Variants in ARRDC1 observed in about 807,000 individuals in gnomAD.
ARRDC1 encodes the protein arrestin domain-containing protein 1.
Under a neutral mutation model 40.1 loss-of-function variants are expected in ARRDC1, and 37 were observed. The ratio of observed to expected loss-of-function variants is 0.92; its 90% CI spans 0.71 to 1.21. The LOEUF (loss-of-function observed/expected upper bound fraction) is 1.21. Among genes scored for constraint, ARRDC1 ranks in the 50% most tolerant of loss-of-function variants. ARRDC1 has a pLI of 0.00. For synonymous variants in ARRDC1, 310 were observed against 262.5 expected (o/e 1.18, Z -1.75); for missense variants, 641 against 581.9 (o/e 1.10, Z -1.04).
intron 1 of ARRDC1, among the ~76,000 whole-genome samples, chr9:137,608,820 T>TG (rs1277685928): frequency 6.6e-6 from 1 of 152,134 alleles, no homozygotes; most frequent in Non-Finnish European, 1.5e-5. Context: ...GAGGAGTGTG[T>TG]GGGGCAGCTC....
In ARRDC1 at chr9:137,615,330, ACTC is replaced by A. The variant is rs1335836950; in HGVS notation, c.*195_*197del. Reference sequence around the variant, plus strand: ...CAGGGAGCTGGGACCTGGAGAGACAACTCCTGTAAATAAAACACTTTATTTGTA... The same window carrying A: ...CAGGGAGCTGGGACCTGGAGAGACAACTGTAAATAAAACACTTTATTTGTA... On this transcript the variant is annotated 3_prime_UTR_variant, in exon 8 of 8. Transcript: ENST00000371421. The A allele has an allele frequency of 2.3e-5, 13 of 567,300 alleles. No individual in the cohort carries two copies. The highest frequency in any genetic ancestry group is 3.8e-5 in the Non-Finnish European group (13 of 338,968). 35.1% of individuals were successfully genotyped at this position (567,300 alleles called of 1,614,324 possible).
rs369219064 is a variant in ARRDC1, at chr9:137,614,640, C to A, written c.877C>A (p.Pro293Thr). 6.2e-7 allele frequency: 1 copy of A among 1,612,980 alleles called. No individual in the cohort carries two copies. The highest frequency in any genetic ancestry group is 8.5e-7 in the Non-Finnish European group (1 of 1,179,898). The change falls in exon 7 of 8, where the codon CCC becomes ACC. Residue 293 changes from proline (P) to threonine (T), a missense_variant. Coordinates refer to ENST00000371421, the MANE Select transcript of ARRDC1 (RefSeq NM_152285.4). The stretch of plus-strand genomic sequence containing the variant: ...TGCTGTGAACCATGCCCCAGTGAGC[C>A]CCCGGCCAGGCCTGGGGCTGCCTCC... The part of the protein sequence containing the change: ...NIAVNHAPVS[P>T]RPGLGLPPGA...
chr9:137,614,060 A>T lies in ARRDC1; in HGVS notation c.464A>T (p.Lys155Met). The stretch of plus-strand genomic sequence containing the variant: ...CCCAACGTGGCCTCTGCCACCAAGA[A>T]GTTCTCCTACAAGCTGGTGAAGACG... Reference protein sequence around the residue: ...EQPNVASATKKFSYKLVKTGS... With the variant: ...EQPNVASATKMFSYKLVKTGS... The change falls in exon 5 of 8, where the codon AAG (lysine) becomes ATG (methionine). Residue 155 changes from lysine to methionine, a missense_variant. Transcript: ENST00000371421. 1 of 1,613,694 alleles carries T rather than the reference A, an allele frequency of 6.2e-7. No individual in the cohort carries two copies. The highest frequency in any genetic ancestry group is 2.2e-5 in the East Asian group (1 of 44,852).
At chr9:137,607,613 A>G (rs1842445751) in intron 1 of ARRDC1, among the ~76,000 whole-genome samples, 1 of 152,142 alleles carries the variant, frequency 6.6e-6, no homozygotes, top group African/African-American at 2.4e-5. Flanking sequence ...GCCCGATGCA[A>G]TTCTCTCCAC....
At position 137,608,653 on chromosome 9, in the gene ARRDC1, C is replaced by T. The variant is rs947418143; in HGVS notation, c.118+2818C>T. Among the ~76,000 whole-genome samples, 12 of 152,246 alleles carry T rather than the reference C, an allele frequency of 7.9e-5. 1 individual carries two copies. Among genetic ancestry groups the T allele is most frequent in the African/African-American group, 2.7e-4 (11 of 41,474 alleles). On this transcript the variant is annotated intron_variant, in intron 1 of 7. Transcript: ENST00000371421. ...TGATTTGAAAAGGCAGAAACATGGCCGCTGCCATTGGCCTGGCCAGTGAAA... is the reference window on the plus strand; with the variant it reads ...TGATTTGAAAAGGCAGAAACATGGCTGCTGCCATTGGCCTGGCCAGTGAAA...
At chr9:137,608,522 G>A (rs1393164141) in intron 1 of ARRDC1, among the ~76,000 whole-genome samples, 4 of 152,230 alleles carry the variant, frequency 2.6e-5, no homozygotes, top group Admixed American at 6.5e-5. Context: ...AAGAGGGAGC[G>A]GGGTCGTATG....
chr9:137,610,813 T>G (rs1224379045), intron 1 of ARRDC1, among the ~76,000 whole-genome samples: 1 of 152,228 alleles, frequency 6.6e-6, no homozygotes, highest in Non-Finnish European at 1.5e-5. Flanking sequence ...TCTGCCTGCC[T>G]TGGCCTCCCG....
intron 1 of ARRDC1, among the ~76,000 whole-genome samples, chr9:137,609,055 C>T (rs1842469483): frequency 1.3e-5 from 2 of 152,102 alleles, no homozygotes; most frequent in African/African-American, 2.4e-5. Context: ...GGAGCAGTGG[C>T]GTGTGAGGCT....
chr9:137,614,460 C>A lies in ARRDC1; in HGVS notation c.780C>A (p.Ile260=), dbSNP rs1332428272. The change falls in exon 6 of 8, where the codon ATC becomes ATA. Residue 260 remains isoleucine, a synonymous_variant. Transcript: ENST00000371421. ...TGCCGGGCTGCAGCCTCATCCACAT[C>A]GACTACTACTTACAGGTTTGGTGCT... ...SALPGCSLIH[I]DYYLQVSLKA... The A allele has an allele frequency of 6.2e-7, 1 of 1,613,296 alleles. No individual in the cohort carries two copies. The highest frequency in any genetic ancestry group is 8.5e-7 in the Non-Finnish European group (1 of 1,179,962).
intron 1 of ARRDC1, chr9:137,612,690 C>A: frequency 1.8e-6 from 1 of 544,574 alleles, no homozygotes; most frequent in East Asian, 3.1e-5. Flanking sequence ...CTGGTCAGGC[C>A]CCTCGCCTGC....
rs144256580 is a variant in ARRDC1, at chr9:137,614,293, C to A, written c.619-6C>A. 1.3e-6 allele frequency: 2 copies of A among 1,586,432 alleles called. No homozygotes were observed. Among genetic ancestry groups the A allele is most frequent in the South Asian group, 2.3e-5 (2 of 87,006 alleles). On this transcript the variant is annotated splice_region_variant and splice_polypyrimidine_tract_variant and intron_variant, in intron 5 of 7. Transcript: ENST00000371421. ...TGCGCAGGCTCACAGGCTGGTCCTT[C>A]CCCAGAAAGTGTCCTATAAGGCCAA...
At position 137,615,142 on chromosome 9, in the gene ARRDC1, C is replaced by T. The variant is rs374293181; in HGVS notation, c.*4C>T. 6.8e-5 allele frequency: 104 copies of T among 1,525,734 alleles called. No individual in the cohort carries two copies. In the African/African-American group the frequency reaches 1.0e-3, roughly 15 times the overall value. 94.5% of individuals were successfully genotyped at this position (1,525,734 alleles called of 1,614,324 possible). On this transcript the variant is annotated 3_prime_UTR_variant, in exon 8 of 8. Transcript: ENST00000371421. ...CAGCCTGACCCCTGAGAGCTGACCC[C>T]GTGCTGCCTTCTCCAGGCAGGCCTG...
In ARRDC1 at chr9:137,614,885, G is replaced by T. The variant is rs369744195; in HGVS notation, c.1122G>T (p.Leu374Phe). The change falls in exon 7 of 8, where the codon TTG (leucine) becomes TTT (phenylalanine). Residue 374 changes from leucine to phenylalanine, a missense_variant. Leu to Phe is a conservative substitution (Grantham distance 22). Coordinates refer to ENST00000371421, the MANE Select transcript of ARRDC1 (RefSeq NM_152285.4). ...CCTCACACCCGCTGCACCCTCCCTT[G>T]TGCATTTCAACAGGTGCCACTGTCC... ...SPASHPLHPP[L>F]CISTGATVPY... The T allele has an allele frequency of 6.2e-7, 1 of 1,613,776 alleles. No individual in the cohort carries two copies.
At chr9:137,613,990 C>G in intron 4 of ARRDC1, 42 bp from the exon 5 acceptor site, 2 of 1,607,330 alleles carry the variant, frequency 1.2e-6, no homozygotes, top group Non-Finnish European at 1.7e-6. Flanking sequence ...GGGATCCAGC[C>G]TGCGCACACC....
rs755654987 is a variant in ARRDC1 at position 137,614,182 on chromosome 9, G to T, written c.586G>T (p.Asp196Tyr). The T allele has an allele frequency of 6.8e-6, 11 of 1,608,910 alleles. No individual in the cohort carries two copies. The highest frequency in any genetic ancestry group is 3.3e-4 in the Middle Eastern group (2 of 6,064). Residue 196 changes from aspartate (D) to tyrosine (Y), a missense_variant, in exon 5 of 8, where the codon GAC becomes TAC. Coordinates refer to ENST00000371421, the MANE Select transcript of ARRDC1 (RefSeq NM_152285.4). ...HADVENQSGK[D>Y]TSPVVASLLQ... ...CGACGTTGAGAACCAGTCAGGCAAG[G>T]ACACCAGCCCTGTGGTGGCCAGTCT...
At chr9:137,613,124 T>C (rs1194638489) in intron 2 of ARRDC1, 118 bp downstream of exon 2, 1 of 888,458 alleles carries the variant, frequency 1.1e-6, no homozygotes, top group East Asian at 2.6e-5. Flanking sequence ...CACTGGCCCA[T>C]CTTGTCCCAG....
chr9:137,608,535 G>A lies in ARRDC1; in HGVS notation c.118+2700G>A, dbSNP rs751930517. On this transcript the variant is annotated intron_variant, in intron 1 of 7. Coordinates refer to ENST00000371421, the MANE Select transcript of ARRDC1 (RefSeq NM_152285.4). Reference sequence around the variant, plus strand: ...AGAAGAGGGAGCGGGGTCGTATGCCGCCAGCAGCAGGGAGACCCCTCACAA... The same window carrying A: ...AGAAGAGGGAGCGGGGTCGTATGCCACCAGCAGCAGGGAGACCCCTCACAA... Among the ~76,000 whole-genome samples, 58 of 152,236 alleles carry A rather than the reference G, an allele frequency of 3.8e-4. 1 individual carries two copies. The highest frequency in any genetic ancestry group is 8.8e-5 in the Non-Finnish European group (6 of 68,046).
Position 137,614,353 on chromosome 9 carries a change from G to A in ARRDC1, c.673G>A (p.Val225Met). 1 of 1,612,934 alleles carries A rather than the reference G, an allele frequency of 6.2e-7. No homozygotes were observed. The highest frequency in any genetic ancestry group is 1.3e-5 in the African/African-American group (1 of 75,056). ...CCACGACGTACGGACCATTGCGGAG[G>A]TGGAGGGTGCGGGCGTCAAGGCCTG... is the stretch of plus-strand genomic sequence containing the variant. ...WIHDVRTIAEVEGAGVKAWRR... is the reference protein window; with the variant it reads ...WIHDVRTIAEMEGAGVKAWRR... Residue 225 changes from valine (V) to methionine (M), a missense_variant, in exon 6 of 8, where the codon GTG becomes ATG. Physicochemically the swap from Val to Met is conservative, Grantham distance 21. Transcript: ENST00000371421.
At chr9:137,613,055 T>G (rs1253469290) in intron 2 of ARRDC1, 49 bp downstream of exon 2, 2 of 1,397,060 alleles carry the variant, frequency 1.4e-6, no homozygotes, top group Admixed American at 3.6e-5. Flanking sequence ...GGGCAGCCCT[T>G]GGAGTGGGGC....
Sources: allele counts gnomAD v4.1 joint callset (sites outside exome capture counted in the v4.1 genomes callset), GRCh38; gene constraint gnomAD v4.1.1; transcripts MANE v1.5; gene names NCBI Gene and HGNC (gene_info 2026-07-23, HGNC 2026-07-21).